Variants in NTM observed in about 807,000 individuals in gnomAD.
The protein encoded by NTM is neurotrimin.
In NTM, 13 loss-of-function variants were observed where a neutral mutation model predicts 42.1. The ratio of observed to expected loss-of-function variants is 0.31; its 90% CI spans 0.20 to 0.49. The LOEUF (loss-of-function observed/expected upper bound fraction) is 0.49. NTM is among the 20% of genes least tolerant of loss of function. The pLI is 0.99. For missense variants in NTM, 373 were observed against 452.8 expected, an observed-to-expected ratio of 0.82 and a Z score of 1.60; for synonymous variants, 187 against 179.2, an observed-to-expected ratio of 1.04 and a Z score of -0.35.
intron 1 of NTM, among the ~76,000 whole-genome samples, chr11:131,784,858 C>T (rs145688713): frequency 8.5e-5 from 13 of 152,188 alleles, no homozygotes; most frequent in African/African-American, 3.1e-4. Context: ...TCTCCAAATA[C>T]CTGTATTAAT....
intron 3 of NTM, among the ~76,000 whole-genome samples, chr11:132,148,322 G>A (rs2071041503): frequency 6.6e-6 from 1 of 152,064 alleles, no homozygotes; most frequent in African/African-American, 2.4e-5. Flanking sequence ...TTTTATTATG[G>A]ATAGGGAGGC....
intron 2 of NTM, among the ~76,000 whole-genome samples, chr11:132,053,125 T>G (rs1005612112): frequency 6.6e-5 from 10 of 152,212 alleles, no homozygotes; most frequent in African/African-American, 2.4e-4. Context: ...GCCCTGGGCA[T>G]GCATGATTCA....
intron 2 of NTM, among the ~76,000 whole-genome samples, chr11:131,922,563 C>T (rs2057382908): frequency 2.6e-5 from 4 of 152,162 alleles, no homozygotes; most frequent in Admixed American, 2.6e-4. Context: ...TAATTCACCA[C>T]TAAATTCTGT....
chr11:131,450,506 C>A (rs1950400794), intron 1 of NTM, among the ~76,000 whole-genome samples: 1 of 152,120 alleles, frequency 6.6e-6, no homozygotes, highest in Non-Finnish European at 1.5e-5. Flanking sequence ...CTTGGTTTGA[C>A]CCCAGGGAAG....
intron 2 of NTM, among the ~76,000 whole-genome samples, chr11:132,138,607 T>TA (rs1255867836): frequency 1.3e-5 from 1 of 74,450 alleles, no homozygotes; most frequent in Non-Finnish European, 3.8e-5. Flanking sequence ...TCTATCTATC[T>TA]ATCTATCTAT....
chr11:132,083,185 A>T (rs1250999299), intron 2 of NTM, among the ~76,000 whole-genome samples: 3 of 152,216 alleles, frequency 2.0e-5, no homozygotes, highest in African/African-American at 7.2e-5. Flanking sequence ...CTTCAGAGGA[A>T]TGAGCAGGAT....
At chr11:131,764,509 G>T (rs1428267046) in intron 1 of NTM, among the ~76,000 whole-genome samples, 4 of 152,194 alleles carry the variant, frequency 2.6e-5, no homozygotes, top group Admixed American at 2.6e-4. Flanking sequence ...AGAGCATGGG[G>T]TTTGGATTCC....
intron 2 of NTM, among the ~76,000 whole-genome samples, chr11:131,986,358 G>C (rs2066070351): frequency 6.6e-6 from 1 of 152,174 alleles, no homozygotes; most frequent in Admixed American, 6.5e-5. Flanking sequence ...TTGCACAAAA[G>C]CTTAATTTTC....
At chr11:131,993,999 A>G (rs768940913) in intron 2 of NTM, among the ~76,000 whole-genome samples, 5 of 103,674 alleles carry the variant, frequency 4.8e-5, no homozygotes, top group Admixed American at 1.1e-4. Context: ...TTGAAACTCC[A>G]TCTCCAAAAA....
chr11:131,883,877 C>G (rs1325632519), intron 1 of NTM, among the ~76,000 whole-genome samples: 1 of 152,102 alleles, frequency 6.6e-6, no homozygotes, highest in African/African-American at 2.4e-5. Context: ...CTTTTCATGG[C>G]CAGATGGCAT....
chr11:132,084,703 A>T (rs2059491796), intron 2 of NTM, among the ~76,000 whole-genome samples: 1 of 152,206 alleles, frequency 6.6e-6, no homozygotes, highest in Non-Finnish European at 1.5e-5. Flanking sequence ...CATTAAGAGG[A>T]AATACTTAGC....
chr11:132,278,951 ACTC>A (rs1338997564), intron 4 of NTM, among the ~76,000 whole-genome samples: 1 of 152,060 alleles, frequency 6.6e-6, no homozygotes, highest in Non-Finnish European at 1.5e-5. Context: ...CTCAGTCTTC[ACTC>A]CTGAGAGCCA....
intron 2 of NTM, among the ~76,000 whole-genome samples, chr11:132,012,673 ATTAAT>A (rs1444884402): frequency 1.3e-5 from 2 of 152,142 alleles, no homozygotes; most frequent in Admixed American, 6.5e-5. Flanking sequence ...TCTTCTCTTG[ATTAAT>A]TTAATGGCTC....
intron 1 of NTM, among the ~76,000 whole-genome samples, chr11:131,818,847 C>T (rs2093059165): frequency 6.6e-6 from 1 of 152,318 alleles, no homozygotes; most frequent in African/African-American, 2.4e-5. Context: ...ACTAGATACA[C>T]ATCTTTGATC....
intron 2 of NTM, among the ~76,000 whole-genome samples, chr11:131,945,738 T>A (rs910990424): frequency 6.6e-6 from 1 of 152,210 alleles, no homozygotes; most frequent in African/African-American, 2.4e-5. Flanking sequence ...GACCTCTCGC[T>A]GACATTCCTG....
chr11:132,298,252 G>A (rs1332418255), intron 4 of NTM, among the ~76,000 whole-genome samples: 5 of 152,200 alleles, frequency 3.3e-5, no homozygotes, highest in Admixed American at 3.3e-4. Flanking sequence ...ATTGCGGAGT[G>A]CTATATTTAT....
chr11:132,045,706 T>C (rs1354499737), intron 2 of NTM, among the ~76,000 whole-genome samples: 1 of 152,156 alleles, frequency 6.6e-6, no homozygotes, highest in Admixed American at 6.5e-5. Context: ...TCAGCATCAG[T>C]CAATAGCAGC....
At chr11:131,455,760 C>T (rs953632912) in intron 1 of NTM, among the ~76,000 whole-genome samples, 7 of 152,156 alleles carry the variant, frequency 4.6e-5, no homozygotes, top group African/African-American at 1.7e-4. Flanking sequence ...TGGTGGAGGC[C>T]TTGCAAGGAG....
At chr11:131,554,522 A>G (rs1331100618) in intron 1 of NTM, among the ~76,000 whole-genome samples, 1 of 133,726 alleles carries the variant, frequency 7.5e-6, no homozygotes, top group Non-Finnish European at 1.7e-5. Flanking sequence ...ACCTGCAAAC[A>G]CACACACACA....
Sources: allele counts gnomAD v4.1 joint callset (sites outside exome capture counted in the v4.1 genomes callset), GRCh38; gene constraint gnomAD v4.1.1; transcripts MANE v1.5; gene names NCBI Gene and HGNC (gene_info 2026-07-23, HGNC 2026-07-21).